Variants in PDGFC observed in about 807,000 individuals in gnomAD.
PDGFC encodes the protein platelet derived growth factor C, also known as platelet-derived growth factor C.
PDGFC carries 12 observed loss-of-function variants against 35.5 expected under a neutral mutation model. That is an observed-to-expected ratio of 0.34 (90% CI 0.22 to 0.55). PDGFC has a LOEUF of 0.55. PDGFC is among the 20% of genes least tolerant of loss of function. The pLI is 0.91. For synonymous variants in PDGFC, 159 were observed against 148.8 expected, an observed-to-expected ratio of 1.07 and a Z score of -0.50; for missense variants, 322 against 412.4, an observed-to-expected ratio of 0.78 and a Z score of 1.90.
At chr4:156,779,120 C>T (rs1274879460) in intron 3 of PDGFC, 2 of 456,140 alleles carry the variant, frequency 4.4e-6, no homozygotes, top group Non-Finnish European at 4.4e-6. Context: ...ACAGGGCATG[C>T]AGACACAAAT....
Position 156,891,237 on chromosome 4 carries a change from G to A in PDGFC, c.119-40821C>T, listed in dbSNP as rs569980180. On this transcript the variant is annotated intron_variant, in intron 1 of 5. Coordinates refer to ENST00000502773, the MANE Select transcript of PDGFC (RefSeq NM_016205.3). ...GGAGCTTGCAGTGAGCCGAGATCCC[G>A]CCACTGCACTCCAGCCTGGGCGACA... Among the ~76,000 whole-genome samples, 602 of 129,884 alleles carry A rather than the reference G, an allele frequency of 4.6e-3. 2 individuals carry two copies. The highest frequency in any genetic ancestry group is 0.016 in the African/African-American group (570 of 35,956). The allele number at this position is 129,884 out of a possible 152,430, so 85.2% of individuals were successfully genotyped here.
At position 156,794,079 on chromosome 4, in the gene PDGFC, T is replaced by C. The variant is rs143787368; in HGVS notation, c.495+16758A>G. Among the ~76,000 whole-genome samples the C allele has an allele frequency of 1.1e-3, 173 of 152,266 alleles. 3 individuals are homozygous for C. The Middle Eastern group carries it at 0.034, about 30-fold the overall frequency. On this transcript the variant is annotated intron_variant, in intron 3 of 5. Transcript: ENST00000502773. ...AAAACATTGTCCTATTCCAGCACCT[T>C]TGACTGCGCACTATGTGTGGATTAT...
At chr4:156,861,658 T>C (rs1729712455) in intron 1 of PDGFC, among the ~76,000 whole-genome samples, 1 of 152,114 alleles carries the variant, frequency 6.6e-6, no homozygotes, top group Non-Finnish European at 1.5e-5. Context: ...TGAACTTTTA[T>C]TCATGGACAT....
chr4:156,802,159 T>A (rs1327536161), intron 3 of PDGFC, among the ~76,000 whole-genome samples: 1 of 152,214 alleles, frequency 6.6e-6, no homozygotes, highest in African/African-American at 2.4e-5. Context: ...ACTGTTTTGA[T>A]GATTCTGTGT....
At chr4:156,863,750 T>TA (rs1560846662) in intron 1 of PDGFC, among the ~76,000 whole-genome samples, 2 of 152,218 alleles carry the variant, frequency 1.3e-5, no homozygotes, top group African/African-American at 4.8e-5. Flanking sequence ...TTGATACTCT[T>TA]AAAAAGTGGT....
At chr4:156,765,496 T>A (rs1279538125) in intron 5 of PDGFC, among the ~76,000 whole-genome samples, 1 of 152,120 alleles carries the variant, frequency 6.6e-6, no homozygotes, top group South Asian at 2.1e-4. Flanking sequence ...AAAATGACCT[T>A]GAACTTTTGA....
At chr4:156,781,799 C>T (rs1730986791) in intron 3 of PDGFC, among the ~76,000 whole-genome samples, 1 of 151,996 alleles carries the variant, frequency 6.6e-6, no homozygotes, top group Non-Finnish European at 1.5e-5. Context: ...TTCCACCTAC[C>T]TAGGAAAACT....
intron 3 of PDGFC, chr4:156,779,157 T>A: frequency 2.2e-6 from 1 of 455,932 alleles, no homozygotes; most frequent in Admixed American, 2.3e-5. Flanking sequence ...TCACGGGAGG[T>A]TCTGTAAAGA....
intron 3 of PDGFC, among the ~76,000 whole-genome samples, chr4:156,799,688 T>A (rs1013361653): frequency 6.6e-6 from 1 of 152,214 alleles, no homozygotes; most frequent in African/African-American, 2.4e-5. Flanking sequence ...ATTGCTAAGA[T>A]ACATCATGGA....
chr4:156,805,154 C>G (rs1294124117), intron 3 of PDGFC, among the ~76,000 whole-genome samples: 3 of 151,944 alleles, frequency 2.0e-5, no homozygotes, highest in African/African-American at 7.2e-5. Flanking sequence ...TTAAGCAATT[C>G]TTAGCCAAGT....
At chr4:156,909,842 G>C (rs1327374427) in intron 1 of PDGFC, among the ~76,000 whole-genome samples, 1 of 152,108 alleles carries the variant, frequency 6.6e-6, no homozygotes, top group African/African-American at 2.4e-5. Flanking sequence ...GTTAAATCTT[G>C]AGATAAGAGC....
chr4:156,941,480 A>G (rs548001769), intron 1 of PDGFC, among the ~76,000 whole-genome samples: 1 of 152,290 alleles, frequency 6.6e-6, no homozygotes, highest in East Asian at 1.9e-4. Context: ...TCACAGGAAT[A>G]CTGTGCTGAG....
chr4:156,817,953 G>C (rs1037405628), intron 2 of PDGFC, among the ~76,000 whole-genome samples: 1 of 151,190 alleles, frequency 6.6e-6, no homozygotes, highest in African/African-American at 2.4e-5. Context: ...CAGCTACTCA[G>C]GAGGCTGAGG....
At chr4:156,812,731 A>T (rs1233217687) in intron 2 of PDGFC, among the ~76,000 whole-genome samples, 1 of 152,094 alleles carries the variant, frequency 6.6e-6, no homozygotes, top group African/African-American at 2.4e-5. Flanking sequence ...TCACTGGTAA[A>T]CTGGGAATAA....
intron 3 of PDGFC, among the ~76,000 whole-genome samples, chr4:156,775,583 A>G (rs948497948): frequency 2.0e-5 from 3 of 152,174 alleles, no homozygotes; most frequent in African/African-American, 7.2e-5. Flanking sequence ...TTTCTTTTGA[A>G]GCAATACAAA....
chr4:156,949,178 C>A (rs117434281), intron 1 of PDGFC, among the ~76,000 whole-genome samples: 2 of 151,950 alleles, frequency 1.3e-5, no homozygotes, highest in East Asian at 3.9e-4. Flanking sequence ...ATTAAGAATT[C>A]TTTGAAAGAT....
chr4:156,944,643 C>G (rs1731892857), intron 1 of PDGFC, among the ~76,000 whole-genome samples: 1 of 152,130 alleles, frequency 6.6e-6, no homozygotes, highest in Admixed American at 6.6e-5. Flanking sequence ...ACAGGTGGCA[C>G]CTTCAGGCTG....
chr4:156,950,703 TG>T (rs1301230060), intron 1 of PDGFC, among the ~76,000 whole-genome samples: 1 of 151,778 alleles, frequency 6.6e-6, no homozygotes, highest in African/African-American at 2.4e-5. Flanking sequence ...ATAAGCAATT[TG>T]AAAGCAGTGT....
In PDGFC at chr4:156,955,255, G is replaced by T. The variant is rs1194376802; in HGVS notation, c.118+15531C>A. On this transcript the variant is annotated intron_variant, in intron 1 of 5. Transcript: ENST00000502773. ...TTTTTCCACTGTCTGGCATCTGAAC[G>T]GCTGCAAATGCCTTCAAAATGCTGT... Among the ~76,000 whole-genome samples the T allele has an allele frequency of 3.3e-5, 5 of 152,054 alleles. No homozygotes were observed. The East Asian group carries it at 9.7e-4, about 30-fold the overall frequency.
Sources: gnomAD v4.1 joint callset for allele counts (sites outside exome capture counted in the v4.1 genomes callset) on GRCh38, gnomAD v4.1.1 for gene constraint, MANE v1.5 for transcripts, NCBI Gene and HGNC (gene_info 2026-07-23, HGNC 2026-07-21) for gene names.